OR13G1: variants seen among roughly 807,000 people sequenced by gnomAD.
The protein encoded by OR13G1 is olfactory receptor 13G1.
For missense variants in OR13G1, 369 were observed against 385.7 expected, an observed-to-expected ratio of 0.96 and a Z score of 0.36; for synonymous variants, 128 against 136.2, an observed-to-expected ratio of 0.94 and a Z score of 0.42.
chr1:247,672,504 G>A lies in OR13G1; in HGVS notation c.538C>T (p.Pro180Ser). Residue 180 changes from proline to serine, a missense_variant, in exon 2 of 2, where the codon CCA (proline) becomes TCA (serine). Pro to Ser is a moderately conservative substitution (Grantham distance 74). Transcript: ENST00000642119. The stretch of plus-strand genomic sequence containing the variant: ...GGGCTACAGGACAAAGCCAGCAATG[G>A]GGGTATCTCACAGAAGAAGTGGTCA... Reference protein sequence around the residue: ...TIDHFFCEIPPLLALSCSPVR... With the variant: ...TIDHFFCEIPSLLALSCSPVR... The A allele has an allele frequency of 1.9e-6, 3 of 1,614,098 alleles. No individual in the cohort carries two copies. The highest frequency in any genetic ancestry group is 1.1e-5 in the South Asian group (1 of 91,066).
At chr1:247,679,226 AG>A (rs1659413100) in intron 1 of OR13G1, among the ~76,000 whole-genome samples, 1 of 152,156 alleles carries the variant, frequency 6.6e-6, no homozygotes, top group African/African-American at 2.4e-5. Flanking sequence ...TAAACTATTT[AG>A]CTAAGTCTTT....
In OR13G1 at chr1:247,672,855, G is replaced by A; in HGVS notation, c.187C>T (p.Leu63=). The A allele has an allele frequency of 3.1e-6, 5 of 1,614,048 alleles. No homozygotes were observed. The highest frequency in any genetic ancestry group is 2.2e-5 in the East Asian group (1 of 44,878). The change falls in exon 2 of 2, where the codon CTG becomes TTG. Residue 63 remains leucine, a synonymous_variant. Coordinates refer to ENST00000642119, the MANE Select transcript of OR13G1 (RefSeq NM_001005487.2). ...GTGCAGATGATGTCCACAACAGCCAGTGTCAGAAGGAAAACATACATGGGC... is the reference window on the plus strand; with the variant it reads ...GTGCAGATGATGTCCACAACAGCCAATGTCAGAAGGAAAACATACATGGGC... ...HTPMYVFLLT[L]AVVDIICTTS... is the part of the protein sequence containing the mutation.
Position 247,673,021 on chromosome 1 carries a change from A to T in OR13G1, c.21T>A (p.Thr7=), listed in dbSNP as rs754306314. Residue 7 remains threonine (T), a synonymous_variant, in exon 2 of 2, where the codon ACT becomes ACA. Transcript: ENST00000642119. ...TGGTGAGGCCCAGAATAATGAACTC[A>T]GTTACAACGCTGTGATTCATCCTGC... MNHSVV[T]EFIILGLTKK... 1 of 1,611,220 alleles carries T rather than the reference A, an allele frequency of 6.2e-7. No individual in the cohort carries two copies. Among genetic ancestry groups the T allele is most frequent in the African/African-American group, 1.3e-5 (1 of 74,828 alleles).
At chr1:247,677,796 C>T (rs1335471113) in intron 1 of OR13G1, among the ~76,000 whole-genome samples, 1 of 152,150 alleles carries the variant, frequency 6.6e-6, no homozygotes, top group Non-Finnish European at 1.5e-5. Context: ...TTTGCTGAAT[C>T]ATGAGGATAA....
rs757531066 is a variant in OR13G1, at chr1:247,672,797, A to C, written c.245T>G (p.Met82Arg). ...TGAAATGGTATTTTCTGATGTTAGC[A>C]TGGTCCCCAGCATCTTCGGTATGAT... ...TSIIPKMLGTMLTSENTISYA... is the reference protein window; with the variant it reads ...TSIIPKMLGTRLTSENTISYA... Residue 82 changes from methionine to arginine, a missense_variant, in exon 2 of 2, where the codon ATG becomes AGG. By Grantham distance (91) the Met-to-Arg change is moderately conservative. Coordinates refer to ENST00000642119, the MANE Select transcript of OR13G1 (RefSeq NM_001005487.2). 7.4e-6 allele frequency: 12 copies of C among 1,613,972 alleles called. No individual in the cohort carries two copies. In the South Asian group the frequency reaches 8.8e-5, roughly 12 times the overall value.
chr1:247,672,050 C>T lies in OR13G1; in HGVS notation c.*68G>A, dbSNP rs1151641. ...TTGGAGTGGAGGTAAGTATGAAAAA[C>T]CAGTAAAATCTGAGATGCTCTAGAA... is the stretch of plus-strand genomic sequence containing the variant. On this transcript the variant is annotated 3_prime_UTR_variant, in exon 2 of 2. Coordinates refer to ENST00000642119, the MANE Select transcript of OR13G1 (RefSeq NM_001005487.2). 0.83 allele frequency: 1,103,461 copies of T among 1,324,414 alleles called. 461,763 individuals carry two copies. The highest frequency in any genetic ancestry group is 0.97 in the East Asian group (42,130 of 43,238). 82.0% of individuals were successfully genotyped at this position (1,324,414 alleles called of 1,614,324 possible).
Position 247,672,428 on chromosome 1 carries a change from A to G in OR13G1, c.614T>C (p.Ile205Thr). 1.9e-6 allele frequency: 3 copies of G among 1,613,982 alleles called. No homozygotes were observed. The highest frequency in any genetic ancestry group is 2.5e-6 in the Non-Finnish European group (3 of 1,179,848). ...MVYVADITLA[I>T]GDFILTCISY... The stretch of plus-strand genomic sequence containing the variant: ...GATGCAGGTAAGAATAAAGTCCCCT[A>G]TGGCCAGGGTAATATCAGCAACATA... The change falls in exon 2 of 2, where the codon ATA (isoleucine) becomes ACA (threonine). Residue 205 changes from isoleucine to threonine, a missense_variant. Ile to Thr is a moderately conservative substitution (Grantham distance 89, BLOSUM62 -1). Transcript: ENST00000642119.
rs1378458541 is a variant in OR13G1, at chr1:247,672,482, C to T, written c.560G>A (p.Ser187Asn). 6.2e-7 allele frequency: 1 copy of T among 1,613,976 alleles called. No individual in the cohort carries two copies. Among genetic ancestry groups the T allele is most frequent in the Admixed American group, 1.7e-5 (1 of 59,988 alleles). ...EIPPLLALSC[S>N]PVRINEVMVY... is the part of the protein sequence containing the mutation. ...CATCACCTCATTGATTCTTACAGGGCTACAGGACAAAGCCAGCAATGGGGG... is the reference window on the plus strand; with the variant it reads ...CATCACCTCATTGATTCTTACAGGGTTACAGGACAAAGCCAGCAATGGGGG... The change falls in exon 2 of 2, where the codon AGC (serine) becomes AAC (asparagine). Residue 187 changes from serine (S) to asparagine (N), a missense_variant. Ser to Asn is a conservative substitution (Grantham distance 46). Transcript: ENST00000642119.
chr1:247,678,557 C>A (rs1151633), intron 1 of OR13G1, among the ~76,000 whole-genome samples: 76,436 of 151,906 alleles, frequency 0.5, 19,343 homozygotes, highest in Admixed American at 0.61. Flanking sequence ...GGTAGGGCTA[C>A]GTCAGAGGTG....
Position 247,673,163 on chromosome 1 carries a change from G to T in OR13G1, c.-122C>A. ...GTACTTAGGGACTTAATTCTTGATT[G>T]GACACAACTTTGCAGCAGGAATTCC... is the stretch of plus-strand genomic sequence containing the variant. On this transcript the variant is annotated 5_prime_UTR_variant, in exon 2 of 2. Transcript: ENST00000642119. The T allele has an allele frequency of 1.4e-6, 1 of 725,976 alleles. No individual in the cohort carries two copies. The highest frequency in any genetic ancestry group is 2.3e-6 in the Non-Finnish European group (1 of 443,016). The allele number at this position is 725,976 out of a possible 1,614,324, so 45.0% of individuals were successfully genotyped here. A position where few individuals can be genotyped will look rare whatever the true frequency, so the allele number is the denominator to read the frequency against.
In OR13G1 at chr1:247,671,686, C is replaced by T. The variant is rs886358420; in HGVS notation, c.*432G>A. The T allele has an allele frequency of 5.3e-5, 9 of 169,976 alleles. No individual in the cohort carries two copies. The highest frequency in any genetic ancestry group is 7.7e-5 in the Non-Finnish European group (6 of 78,260). The allele number at this position is 169,976 out of a possible 1,614,324, so 10.5% of individuals were successfully genotyped here. ...TCACAATGCTGTAAGTGAATGAACC[C>T]AGCCTATTAAGCAAGGGAAAATTTA... On this transcript the variant is annotated 3_prime_UTR_variant, in exon 2 of 2. Coordinates refer to ENST00000642119, the MANE Select transcript of OR13G1 (RefSeq NM_001005487.2).
intron 1 of OR13G1, among the ~76,000 whole-genome samples, chr1:247,677,751 A>C (rs1363817554): frequency 2.0e-5 from 3 of 152,154 alleles, no homozygotes; most frequent in African/African-American, 4.8e-5. Flanking sequence ...ATAATACACA[A>C]TGATGCTTGA....
In OR13G1 at chr1:247,672,876, T is replaced by C; in HGVS notation, c.166A>G (p.Met56Val). The change falls in exon 2 of 2, where the codon ATG becomes GTG. Residue 56 changes from methionine (M) to valine (V), a missense_variant. Transcript: ENST00000642119. ...KIYNNTLHTP[M>V]YVFLLTLAVV... Reference sequence around the variant, plus strand: ...GCCAGTGTCAGAAGGAAAACATACATGGGCGTATGCAAGGTGTTGTTATAG... The same window carrying C: ...GCCAGTGTCAGAAGGAAAACATACACGGGCGTATGCAAGGTGTTGTTATAG... 6.2e-7 allele frequency: 1 copy of C among 1,614,048 alleles called. No individual in the cohort carries two copies. Among genetic ancestry groups the C allele is most frequent in the Non-Finnish European group, 8.5e-7 (1 of 1,179,986 alleles).
chr1:247,672,464 T>A lies in OR13G1; in HGVS notation c.578A>T (p.Glu193Val). ...AATATCAGCAACATACACCATCACC[T>A]CATTGATTCTTACAGGGCTACAGGA... Reference protein sequence around the residue: ...ALSCSPVRINEVMVYVADITL... With the variant: ...ALSCSPVRINVVMVYVADITL... Residue 193 changes from glutamate to valine, a missense_variant, in exon 2 of 2, where the codon GAG becomes GTG. Glu to Val is a moderately radical substitution (Grantham distance 121). Transcript: ENST00000642119. 6.2e-7 allele frequency: 1 copy of A among 1,614,074 alleles called. No homozygotes were observed. Among genetic ancestry groups the A allele is most frequent in the Non-Finnish European group, 8.5e-7 (1 of 1,179,974 alleles).
chr1:247,672,815 G>A lies in OR13G1; in HGVS notation c.227C>T (p.Pro76Leu), dbSNP rs768400566. 17 of 1,613,804 alleles carry A rather than the reference G, an allele frequency of 1.1e-5. No individual in the cohort carries two copies. The East Asian group carries it at 2.2e-4, about 21-fold the overall frequency. The change falls in exon 2 of 2, where the codon CCG (proline) becomes CTG (leucine). Residue 76 changes from proline to leucine, a missense_variant. By Grantham distance (98) the Pro-to-Leu change is moderately conservative. Coordinates refer to ENST00000642119, the MANE Select transcript of OR13G1 (RefSeq NM_001005487.2). ...VDIICTTSII[P>L]KMLGTMLTSE... ...TGTTAGCATGGTCCCCAGCATCTTCGGTATGATGCTTGTTGTGCAGATGAT... is the reference window on the plus strand; with the variant it reads ...TGTTAGCATGGTCCCCAGCATCTTCAGTATGATGCTTGTTGTGCAGATGAT...
chr1:247,672,952 A>C lies in OR13G1; in HGVS notation c.90T>G (p.Ile30Met). ...LQGIIFLFFLIVYLVAFLGNM... is the reference protein window; with the variant it reads ...LQGIIFLFFLMVYLVAFLGNM... ...TGCCGAGAAAAGCCACAAGATAGACAATGAGAAAAAAGAGGAAGATAATTC... is the reference window on the plus strand; with the variant it reads ...TGCCGAGAAAAGCCACAAGATAGACCATGAGAAAAAAGAGGAAGATAATTC... Residue 30 changes from isoleucine (I) to methionine (M), a missense_variant, in exon 2 of 2, where the codon ATT becomes ATG. Coordinates refer to ENST00000642119, the MANE Select transcript of OR13G1 (RefSeq NM_001005487.2). 3 of 1,614,062 alleles carry C rather than the reference A, an allele frequency of 1.9e-6. No individual in the cohort carries two copies. The highest frequency in any genetic ancestry group is 2.5e-6 in the Non-Finnish European group (3 of 1,179,934).
At chr1:247,679,250 G>A (rs1659413747) in intron 1 of OR13G1, among the ~76,000 whole-genome samples, 1 of 152,120 alleles carries the variant, frequency 6.6e-6, no homozygotes, top group Non-Finnish European at 1.5e-5. Context: ...GATAATTAAA[G>A]AAAGGACATA....
At chr1:247,676,464 C>A (rs1176251762) in intron 1 of OR13G1, among the ~76,000 whole-genome samples, 5 of 145,732 alleles carry the variant, frequency 3.4e-5, no homozygotes, top group African/African-American at 1.3e-4. Flanking sequence ...TCAATTAATT[C>A]TATAATAATT....
chr1:247,674,234 C>A (rs978501085), intron 1 of OR13G1, among the ~76,000 whole-genome samples: 1 of 152,002 alleles, frequency 6.6e-6, no homozygotes, highest in African/African-American at 2.4e-5. Context: ...GACAGTTACA[C>A]GAATTCATGG....
Sources: gnomAD v4.1 joint callset for allele counts (sites outside exome capture counted in the v4.1 genomes callset) on GRCh38, gnomAD v4.1.1 for gene constraint, MANE v1.5 for transcripts, NCBI Gene and HGNC (gene_info 2026-07-23, HGNC 2026-07-21) for gene names.